GRIK2: variants seen among roughly 807,000 people sequenced by gnomAD.
GRIK2 encodes the protein glutamate receptor ionotropic, kainate 2.
Under a neutral mutation model 100.3 loss-of-function variants are expected in GRIK2, and 32 were observed. That is an observed-to-expected ratio of 0.32 (90% CI 0.24 to 0.43). The LOEUF is 0.43. Ranked by LOEUF, GRIK2 falls within the 20% of genes least tolerant of loss-of-function variation. The pLI, the probability that GRIK2 is intolerant of heterozygous loss-of-function variation, is 1.00. For missense variants in GRIK2, 843 were observed against 1,114.9 expected, an observed-to-expected ratio of 0.76 and a Z score of 3.47; for synonymous variants, 417 against 389.4, an observed-to-expected ratio of 1.07 and a Z score of -0.83.
intron 2 of GRIK2, among the ~76,000 whole-genome samples, chr6:101,539,056 G>A (rs1230633514): frequency 6.6e-6 from 1 of 151,446 alleles, no homozygotes; most frequent in African/African-American, 2.4e-5. Flanking sequence ...GCAAATCAAA[G>A]AATATTGAAT....
intron 6 of GRIK2, among the ~76,000 whole-genome samples, chr6:101,683,803 C>T (rs10452664): frequency 7.9e-5 from 12 of 152,140 alleles, no homozygotes; most frequent in Admixed American, 2.0e-4. Flanking sequence ...TCTGAATTGA[C>T]GTCTCTTCTG....
chr6:101,571,106 A>G (rs188198493), intron 2 of GRIK2, among the ~76,000 whole-genome samples: 321 of 152,188 alleles, frequency 2.1e-3, no homozygotes, highest in Middle Eastern at 6.8e-3. Flanking sequence ...ATCTTAGAAA[A>G]CTGTCATCTT....
At chr6:102,058,796 A>G (rs1771599097) in intron 16 of GRIK2, among the ~76,000 whole-genome samples, 1 of 151,516 alleles carries the variant, frequency 6.6e-6, no homozygotes, top group African/African-American at 2.4e-5. Flanking sequence ...TTATTGATAA[A>G]TAAGTCTACA....
rs143083402 is a variant in GRIK2 at position 101,894,013 on chromosome 6, A to G, written c.1748+4150A>G. ...TTGCTGGAGAGAAACATACAACTAG[A>G]AAGGAAATATGAGGAAGATTGTTAT... On this transcript the variant is annotated intron_variant, in intron 12 of 16. Coordinates refer to ENST00000369134, the MANE Select transcript of GRIK2 (RefSeq NM_021956.5). Among the ~76,000 whole-genome samples, 1,203 of 151,670 alleles carry G rather than the reference A, an allele frequency of 7.9e-3. 22 individuals are homozygous for G. The highest frequency in any genetic ancestry group is 0.027 in the African/African-American group (1,139 of 41,500).
chr6:101,970,524 G>C (rs1314183693), intron 14 of GRIK2, among the ~76,000 whole-genome samples: 2 of 151,882 alleles, frequency 1.3e-5, no homozygotes, highest in Non-Finnish European at 2.9e-5. Flanking sequence ...TTAAATGGTG[G>C]ATTATGCAGA....
At chr6:101,959,862 T>C (rs905940076) in intron 14 of GRIK2, among the ~76,000 whole-genome samples, 3 of 152,102 alleles carry the variant, frequency 2.0e-5, no homozygotes, top group Admixed American at 6.6e-5. Flanking sequence ...GTAAAGTATG[T>C]TCCAAGTATT....
At chr6:101,909,386 T>TGTTTGTTTTG (rs755330153) in intron 12 of GRIK2, among the ~76,000 whole-genome samples, 4 of 138,748 alleles carry the variant, frequency 2.9e-5, no homozygotes, top group Non-Finnish European at 6.2e-5. Context: ...CTTTTTCTTT[T>TGTTTGTTTTG]TTTTTTTTTT....
chr6:101,895,879 G>A (rs1319071099), intron 12 of GRIK2, among the ~76,000 whole-genome samples: 2 of 151,398 alleles, frequency 1.3e-5, no homozygotes, highest in African/African-American at 4.8e-5. Flanking sequence ...TTAAATACGT[G>A]CTGTTCTGCT....
At chr6:101,904,051 C>A (rs535246601) in intron 12 of GRIK2, among the ~76,000 whole-genome samples, 2 of 151,166 alleles carry the variant, frequency 1.3e-5, no homozygotes, top group Non-Finnish European at 3.0e-5. Context: ...TGCCCCAACA[C>A]TTAGCCATGG....
Position 101,706,934 on chromosome 6 carries a change from A to G in GRIK2, c.951+20581A>G, listed in dbSNP as rs192235713. 1.8e-4 allele frequency among the ~76,000 whole-genome samples: 27 copies of G among 151,968 alleles called. No homozygotes were observed. The East Asian group carries it at 5.3e-3, about 30-fold the overall frequency. On this transcript the variant is annotated intron_variant, in intron 7 of 16. Coordinates refer to ENST00000369134, the MANE Select transcript of GRIK2 (RefSeq NM_021956.5). Reference sequence around the variant, plus strand: ...CAGAGCTTCTTCATAGTCATCAAATATATGTATTTTGGGCCTTTCAGTGAA... The same window carrying G: ...CAGAGCTTCTTCATAGTCATCAAATGTATGTATTTTGGGCCTTTCAGTGAA...
chr6:101,692,024 C>G (rs1000291770), intron 7 of GRIK2, among the ~76,000 whole-genome samples: 2 of 94,310 alleles, frequency 2.1e-5, no homozygotes, highest in African/African-American at 9.0e-5. Context: ...TAAACTCCAA[C>G]GTAACACCCC....
intron 7 of GRIK2, among the ~76,000 whole-genome samples, chr6:101,790,716 C>G (rs369953552): frequency 0.051 from 7,716 of 150,746 alleles, 472 homozygotes; most frequent in African/African-American, 0.15. Flanking sequence ...ATGATGCGGG[C>G]CTCATAAAAT....
chr6:101,741,108 G>T (rs1775998447), intron 7 of GRIK2, among the ~76,000 whole-genome samples: 1 of 152,158 alleles, frequency 6.6e-6, no homozygotes, highest in Non-Finnish European at 1.5e-5. Flanking sequence ...AAAGCCACAA[G>T]CATGCAAGTA....
At chr6:101,753,649 T>C (rs1197110135) in intron 7 of GRIK2, among the ~76,000 whole-genome samples, 1 of 151,936 alleles carries the variant, frequency 6.6e-6, no homozygotes, top group Non-Finnish European at 1.5e-5. Flanking sequence ...AGGTTTTATA[T>C]TAATATTAAT....
intron 15 of GRIK2, among the ~76,000 whole-genome samples, chr6:102,051,261 C>T (rs2782930): frequency 0.2 from 12,888 of 64,874 alleles, 834 homozygotes; most frequent in Middle Eastern, 0.33. Flanking sequence ...CCCTTCCTTC[C>T]TTCCTTCCTT....
At chr6:101,617,939 T>A (rs1461641897) in intron 2 of GRIK2, among the ~76,000 whole-genome samples, 5 of 151,172 alleles carry the variant, frequency 3.3e-5, no homozygotes, top group Non-Finnish European at 7.4e-5. Flanking sequence ...TATATATATG[T>A]GTGTGTATAT....
At chr6:101,395,190 G>A (rs1429619296) in intron 1 of GRIK2, among the ~76,000 whole-genome samples, 1 of 152,186 alleles carries the variant, frequency 6.6e-6, no homozygotes, top group African/African-American at 2.4e-5. Context: ...ACTCAGTCCT[G>A]ACTTTATTCT....
At chr6:101,650,746 T>A (rs1347806332) in intron 4 of GRIK2, among the ~76,000 whole-genome samples, 3 of 152,154 alleles carry the variant, frequency 2.0e-5, no homozygotes, top group Non-Finnish European at 4.4e-5. Context: ...TCTAAGGAAC[T>A]ATTTTAATTC....
chr6:101,497,973 C>G (rs1773536711), intron 2 of GRIK2, among the ~76,000 whole-genome samples: 1 of 150,530 alleles, frequency 6.6e-6, no homozygotes, highest in Non-Finnish European at 1.5e-5. Flanking sequence ...CCCATTAACT[C>G]ATCATTTAGC....
Sources: gnomAD v4.1 joint callset for allele counts (sites outside exome capture counted in the v4.1 genomes callset) on GRCh38, gnomAD v4.1.1 for gene constraint, MANE v1.5 for transcripts, NCBI Gene and HGNC (gene_info 2026-07-23, HGNC 2026-07-21) for gene names.